Variants in FMO2 observed in about 807,000 individuals in gnomAD.
The protein encoded by FMO2 is flavin containing dimethylaniline monoxygenase 2, also known as flavin-containing monooxygenase 2.
A neutral mutation model predicts 41.6 loss-of-function variants in FMO2; 33 were observed. The ratio of observed to expected loss-of-function variants is 0.79; its 90% CI spans 0.60 to 1.06. The LOEUF (loss-of-function observed/expected upper bound fraction) is 1.06. Ranked by LOEUF, FMO2 falls within the 50% of genes least tolerant of loss-of-function variation. The pLI, the probability that FMO2 is intolerant of heterozygous loss-of-function variation, is 0.00. For synonymous variants in FMO2, 214 were observed against 219.6 expected, an observed-to-expected ratio of 0.97 and a Z score of 0.23; for missense variants, 619 against 632.9, an observed-to-expected ratio of 0.98 and a Z score of 0.23.
In FMO2 at chr1:171,204,022, G is replaced by C; in HGVS notation, c.785G>C (p.Arg262Pro). The C allele has an allele frequency of 6.2e-7, 1 of 1,613,634 alleles. No individual in the cohort carries two copies. The highest frequency in any genetic ancestry group is 1.1e-5 in the South Asian group (1 of 91,072). The change falls in exon 6 of 9, where the codon CGG becomes CCG. Residue 262 changes from arginine (R) to proline (P), a missense_variant. By Grantham distance (103) the Arg-to-Pro change is moderately radical. Coordinates refer to ENST00000209929, the MANE Select transcript of FMO2 (RefSeq NM_001460.5). ...TGGATGATAGAACAACAGATGAATCGGTGGTTCAACCATGAAAATTATGGC... is the reference window on the plus strand; with the variant it reads ...TGGATGATAGAACAACAGATGAATCCGTGGTTCAACCATGAAAATTATGGC... ...VKWMIEQQMN[R>P]WFNHENYGLE...
intron 8 of FMO2, among the ~76,000 whole-genome samples, 196 bp downstream of exon 8, chr1:171,207,986 C>T (rs1193084254): frequency 6.6e-6 from 1 of 152,164 alleles, no homozygotes; most frequent in Non-Finnish European, 1.5e-5. Flanking sequence ...CTTATACATA[C>T]TAGGTTAAGA....
rs948430040 is a variant in FMO2 at position 171,209,310 on chromosome 1, T to G, written c.*165T>G. The G allele has an allele frequency of 2.0e-4, 79 of 395,100 alleles. No homozygotes were observed. Among genetic ancestry groups the G allele is most frequent in the Non-Finnish European group, 2.0e-4 (45 of 224,534 alleles). 24.5% of individuals were successfully genotyped at this position (395,100 alleles called of 1,614,324 possible). On this transcript the variant is annotated 3_prime_UTR_variant, in exon 9 of 9. Transcript: ENST00000209929. ...TAAAGAATTAGCAGAATTAGGCATA[T>G]GTACAAAACCAAAATTTTGTCATGA...
At chr1:171,201,609 C>T (rs907715579) in intron 5 of FMO2, among the ~76,000 whole-genome samples, 1 of 152,168 alleles carries the variant, frequency 6.6e-6, no homozygotes, top group African/African-American at 2.4e-5. Flanking sequence ...GCACCCTCTA[C>T]CACAATCCAA....
rs1220170170 is a variant in FMO2 at position 171,211,440 on chromosome 1, C to T, written c.*2295C>T. Among the ~76,000 whole-genome samples the T allele has an allele frequency of 1.3e-5, 2 of 152,140 alleles. No individual in the cohort carries two copies. Among genetic ancestry groups the T allele is most frequent in the Non-Finnish European group, 2.9e-5 (2 of 68,022 alleles). ...GCCTTATTTCATCATTATCACTACC[C>T]ATTTAGTAGCTATGGTTGTTATCTT... On this transcript the variant is annotated 3_prime_UTR_variant, in exon 9 of 9. Transcript: ENST00000209929.
At chr1:171,205,902 T>C (rs955116079) in intron 7 of FMO2, among the ~76,000 whole-genome samples, 3 of 152,244 alleles carry the variant, frequency 2.0e-5, no homozygotes, top group African/African-American at 7.2e-5. Flanking sequence ...AAGTGCATGT[T>C]AACTTTTCTT....
intron 3 of FMO2, 32 bp from the exon 4 acceptor site, chr1:171,196,617 T>G (rs772322009): frequency 6.2e-7 from 1 of 1,604,762 alleles, no homozygotes; most frequent in African/African-American, 1.3e-5. Context: ...CTGGAGTAAT[T>G]CTCAATGATG....
At chr1:171,201,937 C>T (rs1291248343) in intron 5 of FMO2, among the ~76,000 whole-genome samples, 2 of 152,162 alleles carry the variant, frequency 1.3e-5, no homozygotes, top group African/African-American at 4.8e-5. Context: ...CCACCTGGTC[C>T]TGCCCTTGAC....
intron 4 of FMO2, 81 bp downstream of exon 4, chr1:171,196,892 C>A: frequency 7.7e-7 from 1 of 1,291,774 alleles, no homozygotes; most frequent in South Asian, 1.4e-5. Flanking sequence ...AAGCAGGATT[C>A]ATTGCTGCAA....
rs1571294507 is a variant in FMO2 at position 171,207,619 on chromosome 1, A to T, written c.1184-99A>T. 3 of 855,196 alleles carry T rather than the reference A, an allele frequency of 3.5e-6. No individual in the cohort carries two copies. In the East Asian group the frequency reaches 7.3e-5, roughly 21 times the overall value. The allele number at this position is 855,196 out of a possible 1,614,324, so 53.0% of individuals were successfully genotyped here. ...GCACGGAAGCCCTGACTGGTATGAC[A>T]TGGTTCAATGTCCAGAGTTTAATTT... On this transcript the variant is annotated intron_variant, in intron 7 of 8. Transcript: ENST00000209929.
At position 171,193,494 on chromosome 1, in the gene FMO2, T is replaced by C; in HGVS notation, c.292T>C (p.Phe98Leu). The C allele has an allele frequency of 6.2e-7, 1 of 1,609,584 alleles. No homozygotes were observed. The highest frequency in any genetic ancestry group is 2.2e-5 in the East Asian group (1 of 44,830). Residue 98 changes from phenylalanine (F) to leucine (L), a missense_variant, in exon 3 of 9, where the codon TTT becomes CTT. Physicochemically the swap from Phe to Leu is conservative, Grantham distance 22. Coordinates refer to ENST00000209929, the MANE Select transcript of FMO2 (RefSeq NM_001460.5). Reference protein sequence around the residue: ...LEYFRIFAKKFDLLKYIQFQT... With the variant: ...LEYFRIFAKKLDLLKYIQFQT... Reference sequence around the variant, plus strand: ...ATATTTCAGGATTTTTGCTAAAAAATTTGATCTGCTAAAATATATTCAGTT... The same window carrying C: ...ATATTTCAGGATTTTTGCTAAAAAACTTGATCTGCTAAAATATATTCAGTT...
rs900504585 is a variant in FMO2, at chr1:171,209,042, G to A, written c.1505G>A (p.Arg502Gln). The change falls in exon 9 of 9, where the codon CGG becomes CAG. Residue 502 changes from arginine to glutamine, a missense_variant. Transcript: ENST00000209929. Reference protein sequence around the residue: ...KQRILKPLKTRALKDSSNFSV... With the variant: ...KQRILKPLKTQALKDSSNFSV... ...AGAATACTGAAGCCACTCAAGACTC[G>A]GGCCCTGAAGGATTCATCTAATTTC... is the stretch of plus-strand genomic sequence containing the variant. 1.8e-5 allele frequency: 22 copies of A among 1,219,796 alleles called. No homozygotes were observed. The highest frequency in any genetic ancestry group is 7.2e-5 in the East Asian group (3 of 41,956). The allele number at this position is 1,219,796 out of a possible 1,614,324, so 75.6% of individuals were successfully genotyped here.
Position 171,185,732 on chromosome 1 carries a change from G to C in FMO2, c.19G>C (p.Val7Leu). Reference sequence around the variant, plus strand: ...GGAGCTGATGGCAAAGAAGGTAGCTGTGATTGGAGCTGGGGTCAGTGGCCT... The same window carrying C: ...GGAGCTGATGGCAAAGAAGGTAGCTCTGATTGGAGCTGGGGTCAGTGGCCT... MAKKVA[V>L]IGAGVSGLIS... Residue 7 changes from valine to leucine, a missense_variant, in exon 2 of 9, where the codon GTG becomes CTG. Val to Leu is a conservative substitution (Grantham distance 32, BLOSUM62 1). Coordinates refer to ENST00000209929, the MANE Select transcript of FMO2 (RefSeq NM_001460.5). The C allele has an allele frequency of 6.2e-7, 1 of 1,613,860 alleles. No individual in the cohort carries two copies. Among genetic ancestry groups the C allele is most frequent in the Non-Finnish European group, 8.5e-7 (1 of 1,179,794 alleles).
At chr1:171,206,169 C>G (rs990616196) in intron 7 of FMO2, among the ~76,000 whole-genome samples, 12 of 152,166 alleles carry the variant, frequency 7.9e-5, no homozygotes, top group Non-Finnish European at 1.8e-4. Flanking sequence ...TTACTGAATA[C>G]CTTGCCCTGT....
intron 5 of FMO2, among the ~76,000 whole-genome samples, chr1:171,203,401 G>A (rs1314741106): frequency 6.6e-6 from 1 of 151,798 alleles, no homozygotes; most frequent in East Asian, 1.9e-4. Flanking sequence ...TATTTCCCCT[G>A]TTATTCTCCA....
chr1:171,210,174 A>C lies in FMO2; in HGVS notation c.*1029A>C, dbSNP rs1325561875. The C allele has an allele frequency of 6.6e-6, 1 of 151,512 alleles. No homozygotes were observed. The allele number at this position is 151,512 out of a possible 1,614,324, so 9.4% of individuals were successfully genotyped here. A position where few individuals can be genotyped will look rare whatever the true frequency, so the allele number is the denominator to read the frequency against. On this transcript the variant is annotated 3_prime_UTR_variant, in exon 9 of 9. Coordinates refer to ENST00000209929, the MANE Select transcript of FMO2 (RefSeq NM_001460.5). ...AAATATGACCAAATTACTTTTATTT[A>C]TAATTTTTGATTTATATTTCAGCTA...
chr1:171,192,927 G>A (rs555049032), intron 2 of FMO2, among the ~76,000 whole-genome samples: 2 of 152,224 alleles, frequency 1.3e-5, no homozygotes, highest in South Asian at 4.2e-4. Flanking sequence ...TATGTTCTCT[G>A]CCCAGTGTCC....
intron 4 of FMO2, among the ~76,000 whole-genome samples, chr1:171,197,396 C>A (rs188024449): frequency 8.5e-5 from 13 of 152,228 alleles, no homozygotes. Flanking sequence ...GGCCTGGAGA[C>A]CTACCCCCAA....
chr1:171,207,254 C>T (rs1658798553), intron 7 of FMO2, among the ~76,000 whole-genome samples: 1 of 152,186 alleles, frequency 6.6e-6, no homozygotes. Context: ...CATCTCTCAC[C>T]AGGTTTATTT....
intron 3 of FMO2, among the ~76,000 whole-genome samples, chr1:171,195,303 A>C (rs995999160): frequency 2.0e-5 from 3 of 152,210 alleles, no homozygotes; most frequent in African/African-American, 7.2e-5. Context: ...GTGCTTCTCA[A>C]ACTTTAATGT....
Sources: allele counts gnomAD v4.1 joint callset (sites outside exome capture counted in the v4.1 genomes callset), GRCh38; gene constraint gnomAD v4.1.1; transcripts MANE v1.5; gene names NCBI Gene and HGNC (gene_info 2026-07-23, HGNC 2026-07-21).